The following RMP24 variants were observed in gnomAD, a reference collection of about 807,000 sequenced individuals.
RMP24 encodes ribonuclease MRP subunit p24.
the RMP24 span, among the ~76,000 whole-genome samples, chr18:35,974,531 A>C: frequency 6.6e-6 from 1 of 152,224 alleles, no homozygotes; most frequent in Admixed American, 6.5e-5. Context: ...ACAAAATCGC[A>C]GTGCAATTTG....
At chr18:35,977,432 A>G in the RMP24 span, 2 of 1,613,316 alleles carry the variant, frequency 1.2e-6, no homozygotes, top group East Asian at 2.2e-5. Flanking sequence ...AAAACATGCA[A>G]CAGAACAGTG....
the RMP24 span, chr18:35,974,816 A>G: frequency 3.1e-6 from 4 of 1,276,998 alleles, no homozygotes; most frequent in African/African-American, 6.0e-5. Context: ...ATTTCAATAT[A>G]CTTTTTATAA....
chr18:35,975,070 A>C, the RMP24 span: 1 of 1,613,504 alleles, frequency 6.2e-7, no homozygotes, highest in Non-Finnish European at 8.5e-7. Context: ...ATGGTGAAAA[A>C]GTTCAAAGAC....
chr18:35,978,228 A>G, the RMP24 span, among the ~76,000 whole-genome samples: 2 of 152,268 alleles, frequency 1.3e-5, no homozygotes, highest in Non-Finnish European at 2.9e-5. Context: ...ACTGTGTAGC[A>G]TATGGATAAA....
chr18:35,974,571 T>C, the RMP24 span, among the ~76,000 whole-genome samples: 2 of 152,206 alleles, frequency 1.3e-5, no homozygotes, highest in Non-Finnish European at 2.9e-5. Flanking sequence ...TTGGTAAAAT[T>C]GGTGAAACAT....
the RMP24 span, chr18:35,978,718 T>C: frequency 3.4e-6 from 3 of 891,624 alleles, no homozygotes; most frequent in Non-Finnish European, 4.9e-6. Flanking sequence ...TGAACAGGGA[T>C]TTGTCAAATG....
chr18:35,977,584 C>G, the RMP24 span: 4 of 1,611,512 alleles, frequency 2.5e-6, no homozygotes, highest in Non-Finnish European at 3.4e-6. Flanking sequence ...AGGCAAGAGC[C>G]CAGCATCGGT....
At chr18:35,972,688 C>A in the RMP24 span, 9 of 1,571,168 alleles carry the variant, frequency 5.7e-6, no homozygotes, top group South Asian at 1.1e-5. Flanking sequence ...CCTATTTTCT[C>A]ACCTGGTTCC....
chr18:35,974,715 TGTA>T, the RMP24 span, among the ~76,000 whole-genome samples: 1 of 152,184 alleles, frequency 6.6e-6, no homozygotes, highest in Admixed American at 6.5e-5. Context: ...TGGATGGAAT[TGTA>T]GTATTTTGCA....
chr18:35,978,339 G>A, the RMP24 span, among the ~76,000 whole-genome samples: 3 of 152,176 alleles, frequency 2.0e-5, no homozygotes, highest in Non-Finnish European at 2.9e-5. Flanking sequence ...AACCATTCAC[G>A]GCCGGGCATG....
chr18:35,976,608 A>T, the RMP24 span, among the ~76,000 whole-genome samples: 6 of 152,320 alleles, frequency 3.9e-5, no homozygotes, highest in Non-Finnish European at 7.3e-5. Flanking sequence ...GTGAGAGTAT[A>T]ACAACTCATT....
chr18:35,978,739 G>A, the RMP24 span: 42 of 1,073,158 alleles, frequency 3.9e-5, no homozygotes, highest in East Asian at 5.3e-5. Flanking sequence ...ATAATACACC[G>A]AGGATAGCCA....
the RMP24 span, chr18:35,973,351 T>C: frequency 9.4e-6 from 2 of 212,604 alleles, no homozygotes; most frequent in Non-Finnish European, 9.8e-6. Context: ...CAAATGTATA[T>C]ACTCAGCGCA....
chr18:35,973,743 A>T, the RMP24 span: 1 of 152,242 alleles, frequency 6.6e-6, no homozygotes, highest in African/African-American at 2.4e-5. Flanking sequence ...CAACATGGCG[A>T]AACGCTGTCT....
At chr18:35,975,805 A>C in the RMP24 span, among the ~76,000 whole-genome samples, 1 of 152,316 alleles carries the variant, frequency 6.6e-6, no homozygotes, top group Admixed American at 6.5e-5. Flanking sequence ...TAAGACTATA[A>C]TTAGCAATTA....
chr18:35,978,961 CT>C, the RMP24 span: 1 of 1,611,056 alleles, frequency 6.2e-7, no homozygotes, highest in Non-Finnish European at 8.5e-7. Flanking sequence ...CAAAGGTGGA[CT>C]TCAGAAATTT....
chr18:35,972,958 C>T, the RMP24 span: 5 of 1,609,758 alleles, frequency 3.1e-6, no homozygotes, highest in African/African-American at 4.0e-5. Flanking sequence ...GCCCCGCTTT[C>T]CTCTGTTCCG....
chr18:35,974,857 T>C, the RMP24 span: 1 of 1,559,470 alleles, frequency 6.4e-7, no homozygotes, highest in Non-Finnish European at 8.8e-7. Flanking sequence ...CAAAATATTC[T>C]GATTTGCTGA....
chr18:35,977,175 A>G, the RMP24 span, among the ~76,000 whole-genome samples: 2 of 151,958 alleles, frequency 1.3e-5, no homozygotes, highest in South Asian at 2.1e-4. Flanking sequence ...GTGAGCTGAG[A>G]TCACGCCACT....
Sources: allele counts gnomAD v4.1 joint callset (sites outside exome capture counted in the v4.1 genomes callset), GRCh38; gene constraint gnomAD v4.1.1; transcripts MANE v1.5; gene names NCBI Gene and HGNC (gene_info 2026-07-23, HGNC 2026-07-21).